The following GPR107 variants were observed in gnomAD, a reference collection of about 807,000 sequenced individuals.
GPR107 encodes the protein protein GPR107.
A neutral mutation model predicts 75.5 loss-of-function variants in GPR107; 31 were observed. That is an observed-to-expected ratio of 0.41 (90% CI 0.31 to 0.55). The LOEUF is 0.55. GPR107 is among the 20% of genes least tolerant of loss of function. The pLI, the probability that GPR107 is intolerant of heterozygous loss-of-function variation, is 0.26. For missense variants in GPR107, 572 were observed against 665.7 expected (o/e 0.86, Z 1.55); for synonymous variants, 267 against 251.3 (o/e 1.06, Z -0.59).
Position 130,054,080 on chromosome 9 carries a change from C to T in GPR107, c.141+7C>T, listed in dbSNP as rs915956142. 4 of 1,538,840 alleles carry T rather than the reference C, an allele frequency of 2.6e-6. No homozygotes were observed. Among genetic ancestry groups the T allele is most frequent in the Non-Finnish European group, 2.6e-6 (3 of 1,140,960 alleles). The stretch of plus-strand genomic sequence containing the variant: ...CCATCACCTGGCACTCAAGGTAAAG[C>T]TTGGCAAGGCCGGGCCGGGGGGCGG... On this transcript the variant is annotated splice_region_variant and intron_variant, in intron 1 of 17. Transcript: ENST00000347136.
chr9:130,072,992 G>A (rs1042711184), intron 1 of GPR107, among the ~76,000 whole-genome samples: 5 of 152,092 alleles, frequency 3.3e-5, no homozygotes, highest in South Asian at 2.1e-4. Flanking sequence ...CATGCAGCCC[G>A]CAGGAAATGA....
intron 17 of GPR107, chr9:130,130,048 G>A (rs1357350190): frequency 6.6e-6 from 1 of 152,150 alleles, no homozygotes; most frequent in Admixed American, 6.5e-5. Flanking sequence ...CTTTGACAAC[G>A]CGGCCCACGC....
chr9:130,101,324 C>T (rs1268350200), intron 12 of GPR107, 101 bp downstream of exon 12: 6 of 713,158 alleles, frequency 8.4e-6, no homozygotes, highest in African/African-American at 1.8e-5. Context: ...ACCCTGAAAC[C>T]CCAGCTTCTG....
intron 14 of GPR107, among the ~76,000 whole-genome samples, chr9:130,124,295 G>A (rs1270872543): frequency 6.6e-6 from 1 of 152,192 alleles, no homozygotes. Context: ...CAATATTTCA[G>A]AGCCGTAGGC....
At chr9:130,119,755 G>A (rs978410347) in intron 14 of GPR107, among the ~76,000 whole-genome samples, 1 of 152,198 alleles carries the variant, frequency 6.6e-6, no homozygotes, top group African/African-American at 2.4e-5. Context: ...GTCTGATAAA[G>A]GAATGTCTTA....
At chr9:130,071,191 A>ATTTT (rs1233744458) in intron 1 of GPR107, among the ~76,000 whole-genome samples, 4 of 135,022 alleles carry the variant, frequency 3.0e-5, no homozygotes, top group African/African-American at 8.2e-5. Context: ...CAACTGGCTA[A>ATTTT]TTTTTTTTTT....
chr9:130,121,921 C>T (rs990530690), intron 14 of GPR107, among the ~76,000 whole-genome samples: 4 of 151,100 alleles, frequency 2.6e-5, no homozygotes, highest in African/African-American at 4.9e-5. Context: ...GGTGGAGTCT[C>T]GCTCTGTCAC....
In GPR107 at chr9:130,139,908, G is replaced by T. The variant is rs1832059113; in HGVS notation, c.*4787G>T. The T allele has an allele frequency of 6.6e-6, 1 of 152,240 alleles. No individual in the cohort carries two copies. Among genetic ancestry groups the T allele is most frequent in the Non-Finnish European group, 1.5e-5 (1 of 68,048 alleles). 9.4% of individuals were successfully genotyped at this position (152,240 alleles called of 1,614,324 possible). A position where few individuals can be genotyped will look rare whatever the true frequency, so the allele number is the denominator to read the frequency against. ...TTTGCCTAGTCGTGTGACCTCAAAA[G>T]AAGTCAGACATATTTAATCCAGAAA... On this transcript the variant is annotated 3_prime_UTR_variant, in exon 18 of 18. Transcript: ENST00000347136.
intron 5 of GPR107, among the ~76,000 whole-genome samples, chr9:130,080,713 G>T (rs185124231): frequency 6.6e-6 from 1 of 150,808 alleles, no homozygotes; most frequent in African/African-American, 2.4e-5. Context: ...GGATGGTCTC[G>T]ATCTCCCGAC....
At chr9:130,078,097 G>A (rs565725948) in intron 4 of GPR107, among the ~76,000 whole-genome samples, 46 of 152,016 alleles carry the variant, frequency 3.0e-4, no homozygotes, top group Admixed American at 1.6e-3. Flanking sequence ...CCCAGGAGGC[G>A]GAGCTTGCGG....
chr9:130,093,009 A>G lies in GPR107; in HGVS notation c.863+628A>G, dbSNP rs542201458. ...TCCCACAGTCCAGGACTGAGAGTAA[A>G]CACATGGGTCTCATTCAGGGGCTGT... On this transcript the variant is annotated intron_variant, in intron 9 of 17. Transcript: ENST00000347136. Among the ~76,000 whole-genome samples, 66 of 152,282 alleles carry G rather than the reference A, an allele frequency of 4.3e-4. No individual in the cohort carries two copies. The South Asian group carries it at 0.013, about 31-fold the overall frequency.
chr9:130,077,160 AC>A (rs1183522835), intron 3 of GPR107, 138 bp from the exon 4 acceptor site: 1 of 614,522 alleles, frequency 1.6e-6, no homozygotes, highest in African/African-American at 1.8e-5. Flanking sequence ...TGCTGGGATT[AC>A]AGGCGTGAGC....
chr9:130,106,650 T>C (rs1831168086), intron 13 of GPR107, among the ~76,000 whole-genome samples: 1 of 151,438 alleles, frequency 6.6e-6, no homozygotes, highest in African/African-American at 2.4e-5. Flanking sequence ...CTTGTAAATA[T>C]CCCGATTCAG....
At chr9:130,077,062 A>G (rs894750164) in intron 3 of GPR107, among the ~76,000 whole-genome samples, 1 of 151,522 alleles carries the variant, frequency 6.6e-6, no homozygotes, top group Non-Finnish European at 1.5e-5. Context: ...TAATTTTTGT[A>G]TTTTTAGTAG....
chr9:130,135,133 C>G lies in GPR107; in HGVS notation c.*12C>G. 1 of 1,472,322 alleles carries G rather than the reference C, an allele frequency of 6.8e-7. No homozygotes were observed. The highest frequency in any genetic ancestry group is 9.5e-7 in the Non-Finnish European group (1 of 1,057,958). 91.2% of individuals were successfully genotyped at this position (1,472,322 alleles called of 1,614,324 possible). On this transcript the variant is annotated 3_prime_UTR_variant, in exon 18 of 18. Transcript: ENST00000347136. ...AAGGCGCCGTGTGACAGAGCCGACC[C>G]TGAGGATGGCACTGTCCAAGGAAAC...
chr9:130,134,960 G>T (rs1485465317), intron 17 of GPR107, 65 bp from the exon 18 acceptor site: 2 of 877,432 alleles, frequency 2.3e-6, no homozygotes, highest in Admixed American at 3.9e-5. Context: ...CCGTGCTGTG[G>T]CAGAGATGGC....
Position 130,138,939 on chromosome 9 carries a change from G to A in GPR107, c.*3818G>A, listed in dbSNP as rs370816420. On this transcript the variant is annotated 3_prime_UTR_variant, in exon 18 of 18. Coordinates refer to ENST00000347136, the MANE Select transcript of GPR107 (RefSeq NM_020960.5). ...AGGAAGGCTCTTAGAACATTAGATA[G>A]TCTGCTGAGGTTGTTGGCCCAGCTC... The A allele has an allele frequency of 6.6e-6, 1 of 152,286 alleles. No individual in the cohort carries two copies. The highest frequency in any genetic ancestry group is 2.4e-5 in the African/African-American group (1 of 41,552). 9.4% of individuals were successfully genotyped at this position (152,286 alleles called of 1,614,324 possible).
chr9:130,092,454 C>A, intron 9 of GPR107, 73 bp downstream of exon 9: 3 of 1,248,502 alleles, frequency 2.4e-6, no homozygotes, highest in Non-Finnish European at 3.5e-6. Flanking sequence ...GGCTCCTGAA[C>A]CTGGAGGCAG....
intron 1 of GPR107, among the ~76,000 whole-genome samples, chr9:130,065,657 C>T (rs954884106): frequency 6.7e-6 from 1 of 149,700 alleles, no homozygotes; most frequent in Non-Finnish European, 1.5e-5. Flanking sequence ...GTCCCAGCTA[C>T]TTGGGAGGCT....
Sources: gnomAD v4.1 joint callset for allele counts (sites outside exome capture counted in the v4.1 genomes callset) on GRCh38, gnomAD v4.1.1 for gene constraint, MANE v1.5 for transcripts, NCBI Gene and HGNC (gene_info 2026-07-23, HGNC 2026-07-21) for gene names.